PODXL: variants seen among roughly 807,000 people sequenced by gnomAD.
PODXL encodes the protein podocalyxin.
In PODXL, 20 loss-of-function variants were observed where a neutral mutation model predicts 48.9. The ratio of observed to expected loss-of-function variants is 0.41; its 90% CI spans 0.29 to 0.59. The LOEUF (loss-of-function observed/expected upper bound fraction) is 0.59, where lower values mean the gene tolerates loss of function less well. Among genes scored for constraint, PODXL ranks in the 20% least tolerant of loss-of-function variants. The pLI is 0.31. For missense variants in PODXL, 606 were observed against 675.1 expected (o/e 0.90, Z 1.13); for synonymous variants, 295 against 287.4 (o/e 1.03, Z -0.27).
Position 131,531,012 on chromosome 7 carries a change from C to T in PODXL, c.101-19579G>A, listed in dbSNP as rs574992939. On this transcript the variant is annotated intron_variant, in intron 1 of 8. Coordinates refer to ENST00000378555, the MANE Select transcript of PODXL (RefSeq NM_001018111.3). ...GGCGGAGATTGCAGTGAGCCAAGAT[C>T]GCACCATTGCACTCCAGTCTGGGCA... Among the ~76,000 whole-genome samples the T allele has an allele frequency of 7.9e-5, 12 of 152,204 alleles. No homozygotes were observed. The East Asian group carries it at 1.9e-3, about 25-fold the overall frequency.
At chr7:131,508,521 T>G (rs1797849256) in intron 5 of PODXL, among the ~76,000 whole-genome samples, 1 of 152,092 alleles carries the variant, frequency 6.6e-6, no homozygotes, top group Non-Finnish European at 1.5e-5. Flanking sequence ...CTTCTCAAAG[T>G]GTTGGGATTA....
chr7:131,506,165 T>G lies in PODXL; in HGVS notation c.1311+95A>C, dbSNP rs898529698. 3.2e-6 allele frequency: 5 copies of G among 1,545,710 alleles called. No homozygotes were observed. In the African/African-American group the frequency reaches 6.8e-5, roughly 21 times the overall value. ...CCGCCCTCTTCTACATGCAGGCACA[T>G]GACGGGGTTCCTCCCCACAGAGAGA... On this transcript the variant is annotated intron_variant, in intron 7 of 8. Coordinates refer to ENST00000378555, the MANE Select transcript of PODXL (RefSeq NM_001018111.3).
At chr7:131,533,488 C>T (rs1584824373) in intron 1 of PODXL, among the ~76,000 whole-genome samples, 1 of 152,330 alleles carries the variant, frequency 6.6e-6, no homozygotes, top group East Asian at 1.9e-4. Flanking sequence ...GCCCGTCTGC[C>T]TGCTTCCCTG....
In PODXL at chr7:131,504,339, A is replaced by G. The variant is rs1797761608; in HGVS notation, c.1649T>C (p.Leu550Pro). The G allele has an allele frequency of 5.0e-6, 8 of 1,614,028 alleles. No individual in the cohort carries two copies. Among genetic ancestry groups the G allele is most frequent in the Non-Finnish European group, 6.8e-6 (8 of 1,180,030 alleles). Residue 550 changes from leucine to proline, a missense_variant, in exon 9 of 9, where the codon CTG (leucine) becomes CCG (proline). Leu to Pro is a moderately conservative substitution (Grantham distance 98). Transcript: ENST00000378555. ...VPLDNLTKDD[L>P]DEEEDTHL is the part of the protein sequence containing the mutation. ...GAGGTGTGTGTCTTCCTCCTCATCC[A>G]GGTCGTCCTTGGTCAGGTTGTCCAG... is the stretch of plus-strand genomic sequence containing the variant.
chr7:131,523,551 G>A (rs1013308305), intron 1 of PODXL, among the ~76,000 whole-genome samples: 3 of 150,948 alleles, frequency 2.0e-5, no homozygotes, highest in African/African-American at 4.9e-5. Context: ...GCTTGGTGGC[G>A]GGCACCTGTA....
intron 1 of PODXL, among the ~76,000 whole-genome samples, chr7:131,520,894 A>G (rs577983428): frequency 6.6e-6 from 1 of 152,352 alleles, no homozygotes; most frequent in Admixed American, 6.5e-5. Flanking sequence ...GAGGCTGGGC[A>G]TGGTGGCTCA....
intron 1 of PODXL, among the ~76,000 whole-genome samples, chr7:131,528,186 G>A (rs79618478): frequency 0.061 from 9,335 of 152,150 alleles, 328 homozygotes; most frequent in Middle Eastern, 0.11. Flanking sequence ...GTGAGCCACC[G>A]CACCCAGCTA....
At chr7:131,508,154 C>T (rs894277487) in intron 5 of PODXL, among the ~76,000 whole-genome samples, 22 of 152,210 alleles carry the variant, frequency 1.4e-4, no homozygotes, top group African/African-American at 5.1e-4. Context: ...CCATGGAGAC[C>T]GGTGGCCTGA....
At chr7:131,542,660 G>A (rs946206564) in intron 1 of PODXL, among the ~76,000 whole-genome samples, 3 of 152,040 alleles carry the variant, frequency 2.0e-5, no homozygotes, top group Non-Finnish European at 2.9e-5. Context: ...CTGTCTCAAC[G>A]ACGACAACAG....
At chr7:131,531,317 C>T (rs1798277350) in intron 1 of PODXL, among the ~76,000 whole-genome samples, 1 of 152,166 alleles carries the variant, frequency 6.6e-6, no homozygotes, top group Non-Finnish European at 1.5e-5. Flanking sequence ...CCCTCTCTAC[C>T]CTGCAAGGTG....
At position 131,501,859 on chromosome 7, in the gene PODXL, G is replaced by C. The variant is rs778662435; in HGVS notation, c.*2452C>G. The C allele has an allele frequency of 3.9e-5, 6 of 152,296 alleles. No individual in the cohort carries two copies. The highest frequency in any genetic ancestry group is 7.3e-5 in the Non-Finnish European group (5 of 68,134). The allele number at this position is 152,296 out of a possible 1,614,324, so 9.4% of individuals were successfully genotyped here. A position where few individuals can be genotyped will look rare whatever the true frequency, so the allele number is the denominator to read the frequency against. On this transcript the variant is annotated 3_prime_UTR_variant, in exon 9 of 9. Transcript: ENST00000378555. Reference sequence around the variant, plus strand: ...TGACATAGGTGTCCTGGTGGCAAGAGCAAGGCAAGGTGTCAGATTCTGAAG... The same window carrying C: ...TGACATAGGTGTCCTGGTGGCAAGACCAAGGCAAGGTGTCAGATTCTGAAG...
At chr7:131,511,585 G>C (rs149169074) in intron 1 of PODXL, 152 bp from the exon 2 acceptor site, 8 of 695,866 alleles carry the variant, frequency 1.1e-5, no homozygotes, top group Non-Finnish European at 1.9e-5. Context: ...AGAATTTTCG[G>C]AGGTTCAAGA....
intron 1 of PODXL, among the ~76,000 whole-genome samples, chr7:131,547,261 T>C (rs1048107828): frequency 2.0e-5 from 3 of 148,886 alleles, no homozygotes; most frequent in African/African-American, 5.0e-5. Context: ...TAATTCCAGC[T>C]ACCCCAGAGG....
rs549339850 is a variant in PODXL at position 131,506,090 on chromosome 7, C to T, written c.1312-55G>A. The T allele has an allele frequency of 2.2e-4, 346 of 1,579,004 alleles. No individual in the cohort carries two copies. The East Asian group carries it at 6.2e-3, about 28-fold the overall frequency. On this transcript the variant is annotated intron_variant, in intron 7 of 8. Coordinates refer to ENST00000378555, the MANE Select transcript of PODXL (RefSeq NM_001018111.3). Reference sequence around the variant, plus strand: ...GGGGCATCCTCTCTCCCTCAGCCCCCGGCTTCACTGTAGAGCCCCTCCGCT... The same window carrying T: ...GGGGCATCCTCTCTCCCTCAGCCCCTGGCTTCACTGTAGAGCCCCTCCGCT...
intron 8 of PODXL, among the ~76,000 whole-genome samples, chr7:131,505,178 AGTAAG>A (rs1374862083): frequency 6.6e-6 from 1 of 152,192 alleles, no homozygotes; most frequent in Non-Finnish European, 1.5e-5. Flanking sequence ...CGAGAATTCT[AGTAAG>A]GTAGGCAGAA....
chr7:131,504,465 T>A lies in PODXL; in HGVS notation c.1523A>T (p.His508Leu), dbSNP rs1797766268. ...CATCACTTCCAGTGTTGGGTTGTCA[T>A]GGTAACCATTCTCCACTGTCTGCAG... ...EELQTVENGYHDNPTLEVMET... is the reference protein window; with the variant it reads ...EELQTVENGYLDNPTLEVMET... The change falls in exon 9 of 9, where the codon CAT (histidine) becomes CTT (leucine). Residue 508 changes from histidine (H) to leucine (L), a missense_variant. Transcript: ENST00000378555. 7 of 1,614,236 alleles carry A rather than the reference T, an allele frequency of 4.3e-6. No homozygotes were observed. Among genetic ancestry groups the A allele is most frequent in the Non-Finnish European group, 5.9e-6 (7 of 1,180,030 alleles).
Position 131,525,426 on chromosome 7 carries a change from CAAAAAAAAA to C in PODXL, c.101-14002_101-13994del, listed in dbSNP as rs57927217. ...CAACATGGCAAAACCTCATCTCTAC[CAAAAAAAAA>C]AAAAAAAAAAAAAAAAATACAAAAA... is the stretch of plus-strand genomic sequence containing the variant. On this transcript the variant is annotated intron_variant, in intron 1 of 8. Coordinates refer to ENST00000378555, the MANE Select transcript of PODXL (RefSeq NM_001018111.3). Among the ~76,000 whole-genome samples, 156 of 59,230 alleles carry C rather than the reference CAAAAAAAAA, an allele frequency of 2.6e-3. 3 individuals are homozygous for C. The highest frequency in any genetic ancestry group is 0.017 in the South Asian group (24 of 1,372). The allele number at this position is 59,230 out of a possible 152,430, so 38.9% of individuals were successfully genotyped here.
intron 1 of PODXL, among the ~76,000 whole-genome samples, chr7:131,524,409 A>AGAGAGAGAG (rs760491817): frequency 0.099 from 7,142 of 71,806 alleles, 271 homozygotes; most frequent in Non-Finnish European, 0.19. Context: ...GAGAGAGAGA[A>AGAGAGAGAG]AACAACAAGG....
chr7:131,519,658 G>C (rs532257080), intron 1 of PODXL, among the ~76,000 whole-genome samples: 1 of 151,926 alleles, frequency 6.6e-6, no homozygotes, highest in South Asian at 2.1e-4. Context: ...AATAGTAATA[G>C]TTATTTAAAG....
Sources: gnomAD v4.1 joint callset for allele counts (sites outside exome capture counted in the v4.1 genomes callset) on GRCh38, gnomAD v4.1.1 for gene constraint, MANE v1.5 for transcripts, NCBI Gene and HGNC (gene_info 2026-07-23, HGNC 2026-07-21) for gene names.